Variants in PRDM16 observed in about 807,000 individuals in gnomAD.
PRDM16 encodes the protein PR/SET domain 16.
A neutral mutation model predicts 110.6 loss-of-function variants in PRDM16; 23 were observed. The observed-to-expected ratio is 0.21, with a 90% CI of 0.15 to 0.29. The LOEUF is 0.29. Ranked by LOEUF, PRDM16 falls within the 10% of genes least tolerant of loss-of-function variation. The probability of loss-of-function intolerance (pLI) is 1.00; values close to 1 mark genes in which losing one functional copy is unlikely to be tolerated. For missense variants in PRDM16, 1,615 were observed against 1,794.3 expected (o/e 0.90, Z 1.81); for synonymous variants, 799 against 781.8 (o/e 1.02, Z -0.37).
intron 1 of PRDM16, among the ~76,000 whole-genome samples, chr1:3,084,156 G>A (rs992000978): frequency 7.9e-5 from 12 of 152,188 alleles, no homozygotes; most frequent in African/African-American, 2.9e-4. Context: ...GGGCCAGAAT[G>A]CAGGCCTTTC....
chr1:3,146,761 T>TG (rs1643668692), intron 1 of PRDM16, among the ~76,000 whole-genome samples: 1 of 121,210 alleles, frequency 8.3e-6, no homozygotes, highest in Non-Finnish European at 1.7e-5. Context: ...GTGCTCGGTG[T>TG]AGGGGGTGTG....
Position 3,111,883 on chromosome 1 carries a change from G to C in PRDM16, c.37+42587G>C, listed in dbSNP as rs548667902. ...AGCCCGCCCTTTGAAAAGGTGGGCCGCCTCTGCGCCGCTCCCCAGCAAGAT... is the reference window on the plus strand; with the variant it reads ...AGCCCGCCCTTTGAAAAGGTGGGCCCCCTCTGCGCCGCTCCCCAGCAAGAT... On this transcript the variant is annotated intron_variant, in intron 1 of 16. Transcript: ENST00000270722. Among the ~76,000 whole-genome samples the C allele has an allele frequency of 2.0e-5, 3 of 152,206 alleles. No homozygotes were observed. In the East Asian group the frequency reaches 5.8e-4, roughly 29 times the overall value.
At position 3,080,673 on chromosome 1, in the gene PRDM16, A is replaced by G. The variant is rs1485892685; in HGVS notation, c.37+11377A>G. ...GCCCCTAAGCTTGCAGCCTGAGAAA[A>G]AGCAAACTTGAGCAAAGCCAGCTTG... On this transcript the variant is annotated intron_variant, in intron 1 of 16. Coordinates refer to ENST00000270722, the MANE Select transcript of PRDM16 (RefSeq NM_022114.4). This position sits in a 1 kb window ranked among gnomAD's most constrained non-coding sequence, Gnocchi z 5.2. 6.6e-6 allele frequency among the ~76,000 whole-genome samples: 1 copy of G among 152,106 alleles called. No individual in the cohort carries two copies. Among genetic ancestry groups the G allele is most frequent in the Non-Finnish European group, 1.5e-5 (1 of 68,028 alleles).
At chr1:3,402,050 T>TA (rs1490991681) in intron 5 of PRDM16, among the ~76,000 whole-genome samples, 2 of 152,252 alleles carry the variant, frequency 1.3e-5, no homozygotes, top group Admixed American at 1.3e-4. Context: ...TATTCACACT[T>TA]ACGTGTGCAT....
chr1:3,181,811 C>T (rs1000796270), intron 1 of PRDM16, among the ~76,000 whole-genome samples: 1 of 100,168 alleles, frequency 1.0e-5, no homozygotes, highest in African/African-American at 3.4e-5. Context: ...TACACACGGT[C>T]TTACACATGC....
chr1:3,337,571 G>A (rs907665278), intron 3 of PRDM16, among the ~76,000 whole-genome samples: 1 of 152,196 alleles, frequency 6.6e-6, no homozygotes, highest in African/African-American at 2.4e-5. Context: ...CCTTGGGGTG[G>A]GAGCTGGGGG....
At chr1:3,134,379 C>T (rs552534364) in intron 1 of PRDM16, among the ~76,000 whole-genome samples, 9 of 152,364 alleles carry the variant, frequency 5.9e-5, no homozygotes, top group South Asian at 2.1e-4. Context: ...AGGCATGGCA[C>T]GGGCATGGGC....
chr1:3,379,937 C>T (rs1643071442), intron 3 of PRDM16, among the ~76,000 whole-genome samples: 1 of 57,554 alleles, frequency 1.7e-5, no homozygotes, highest in Non-Finnish European at 3.5e-5. Context: ...CCAGCACACC[C>T]CTCCCAACAC....
At position 3,373,053 on chromosome 1, in the gene PRDM16, G is replaced by A. The variant is rs1034325877; in HGVS notation, c.439-12099G>A. Among the ~76,000 whole-genome samples the A allele has an allele frequency of 4.9e-4, 75 of 152,298 alleles. 1 individual carries two copies. Among genetic ancestry groups the A allele is most frequent in the African/African-American group, 1.6e-3 (68 of 41,570 alleles). ...GCTTGGGCATCAAACTCTCACCGCCGCAGGACCAGACATGGATGCTTCCAC... is the reference window on the plus strand; with the variant it reads ...GCTTGGGCATCAAACTCTCACCGCCACAGGACCAGACATGGATGCTTCCAC... On this transcript the variant is annotated intron_variant, in intron 3 of 16. Transcript: ENST00000270722.
chr1:3,194,450 A>G (rs1329814161), intron 2 of PRDM16, among the ~76,000 whole-genome samples: 3 of 152,076 alleles, frequency 2.0e-5, no homozygotes, highest in Non-Finnish European at 2.9e-5. Context: ...AAATTCCAAC[A>G]GAGGGGAAGG....
chr1:3,314,614 C>A (rs1051460692), intron 3 of PRDM16, among the ~76,000 whole-genome samples: 2 of 151,908 alleles, frequency 1.3e-5, no homozygotes, highest in Non-Finnish European at 2.9e-5. Context: ...TTCTCTGTGT[C>A]AATGAAGGAA....
intron 3 of PRDM16, among the ~76,000 whole-genome samples, chr1:3,373,276 T>A (rs1404285401): frequency 6.6e-6 from 1 of 151,568 alleles, no homozygotes; most frequent in Admixed American, 6.6e-5. Context: ...ACACCCAGAG[T>A]CTCCTTAGAG....
intron 1 of PRDM16, among the ~76,000 whole-genome samples, chr1:3,158,353 C>T (rs962680265): frequency 6.6e-6 from 1 of 152,162 alleles, no homozygotes; most frequent in African/African-American, 2.4e-5. Context: ...TGAAAATGTA[C>T]TGTGATCATT....
intron 1 of PRDM16, among the ~76,000 whole-genome samples, chr1:3,158,563 A>G (rs1298268747): frequency 1.3e-5 from 2 of 152,130 alleles, no homozygotes; most frequent in African/African-American, 4.8e-5. Context: ...AGAAGGCACG[A>G]TGACTTTACA....
intron 3 of PRDM16, among the ~76,000 whole-genome samples, chr1:3,313,782 T>C (rs1473494577): frequency 6.6e-6 from 1 of 152,198 alleles, no homozygotes; most frequent in African/African-American, 2.4e-5. Context: ...AGCTGCCAGT[T>C]GTAACTGGAA....
chr1:3,405,645 A>C lies in PRDM16; in HGVS notation c.1183A>C (p.Ile395Leu), dbSNP rs1364504688. Reference protein sequence around the residue: ...KHIHSTVKPFICEVCHKSYTQ... With the variant: ...KHIHSTVKPFLCEVCHKSYTQ... ...TATCCACAGCACGGTGAAGCCTTTC[A>C]TATGTGAGTGGTCGCCCAGCCTGGC... is the stretch of plus-strand genomic sequence containing the variant. Residue 395 changes from isoleucine to leucine, a missense_variant, in exon 8 of 17, where the codon ATA becomes CTA. Coordinates refer to ENST00000270722, the MANE Select transcript of PRDM16 (RefSeq NM_022114.4). The C allele has an allele frequency of 6.3e-7, 1 of 1,578,546 alleles. No individual in the cohort carries two copies. Among genetic ancestry groups the C allele is most frequent in the Non-Finnish European group, 8.6e-7 (1 of 1,161,642 alleles).
chr1:3,429,661 T>C (rs1036558548), intron 14 of PRDM16, among the ~76,000 whole-genome samples: 1 of 152,116 alleles, frequency 6.6e-6, no homozygotes, highest in African/African-American at 2.4e-5. Flanking sequence ...GCTGAGGAGA[T>C]GGGTGTGTGT....
rs2455097 is a variant in PRDM16, at chr1:3,265,691, T to C, written c.438+21554T>C. On this transcript the variant is annotated intron_variant, in intron 3 of 16. Transcript: ENST00000270722. This position sits in a 1 kb window ranked among gnomAD's most constrained non-coding sequence, Gnocchi z 4.5. Reference sequence around the variant, plus strand: ...GCCCCGGGGCTGCCTGGGTTTGTCCTGGGAAGGTGAGGATGGGAGCTGACT... The same window carrying C: ...GCCCCGGGGCTGCCTGGGTTTGTCCCGGGAAGGTGAGGATGGGAGCTGACT... Among the ~76,000 whole-genome samples the C allele has an allele frequency of 4.6e-5, 7 of 151,664 alleles. No homozygotes were observed. The highest frequency in any genetic ancestry group is 1.7e-4 in the African/African-American group (7 of 41,238).
intron 1 of PRDM16, among the ~76,000 whole-genome samples, chr1:3,110,777 C>T (rs2993502): frequency 0.42 from 64,050 of 152,056 alleles, 13,750 homozygotes; most frequent in East Asian, 0.6. Context: ...GAGAATGTTC[C>T]GGCTCAGCCT....
Sources: allele counts gnomAD v4.1 joint callset (sites outside exome capture counted in the v4.1 genomes callset), GRCh38; gene constraint gnomAD v4.1.1; non-coding constraint Gnocchi (gnomAD v3.1); transcripts MANE v1.5; gene names NCBI Gene and HGNC (gene_info 2026-07-23, HGNC 2026-07-21).